Variants in RIT2 observed in about 807,000 individuals in gnomAD.
RIT2 encodes Ras like without CAAX 2, also known as GTP-binding protein Rit2.
Under a neutral mutation model 23.7 loss-of-function variants are expected in RIT2, and 24 were observed. The ratio of observed to expected loss-of-function variants is 1.01; its 90% CI spans 0.73 to 1.43. The LOEUF is 1.43. Ranked by LOEUF, RIT2 falls within the 40% of genes most tolerant of loss-of-function variation. RIT2 has a pLI of 0.00. For synonymous variants in RIT2, 107 were observed against 91.1 expected (o/e 1.17, Z -0.99); for missense variants, 236 against 266.9 (o/e 0.88, Z 0.81).
chr18:42,782,202 A>C (rs1174393668), intron 4 of RIT2, among the ~76,000 whole-genome samples: 1 of 152,144 alleles, frequency 6.6e-6, no homozygotes, highest in Admixed American at 6.5e-5. Context: ...TGGGCTGCTC[A>C]AAAATTGTTC....
chr18:43,000,119 C>T (rs907802086), intron 2 of RIT2, among the ~76,000 whole-genome samples: 1 of 152,002 alleles, frequency 6.6e-6, no homozygotes, highest in Non-Finnish European at 1.5e-5. Flanking sequence ...GAAGTATAAC[C>T]TGAGAGCAGA....
intron 2 of RIT2, among the ~76,000 whole-genome samples, chr18:43,003,380 T>C (rs1911152251): frequency 6.6e-6 from 1 of 151,958 alleles, no homozygotes; most frequent in South Asian, 2.1e-4. Flanking sequence ...TGCATATGTG[T>C]AACTTATTTT....
At chr18:43,026,628 GAAAGAA>G (rs1223796404) in intron 2 of RIT2, among the ~76,000 whole-genome samples, 6,536 of 136,572 alleles carry the variant, frequency 0.048, 247 homozygotes, top group Middle Eastern at 0.07. Flanking sequence ...AAGAAAGAAA[GAAAGAA>G]AGAGAGAAAG....
chr18:42,949,353 C>A (rs989293038), intron 3 of RIT2, among the ~76,000 whole-genome samples: 1 of 151,888 alleles, frequency 6.6e-6, no homozygotes, highest in African/African-American at 2.4e-5. Flanking sequence ...CATATGCATA[C>A]CATAGTAAAT....
intron 1 of RIT2, among the ~76,000 whole-genome samples, chr18:43,087,976 A>T (rs375789968): frequency 6.6e-6 from 1 of 152,184 alleles, no homozygotes; most frequent in African/African-American, 2.4e-5. Flanking sequence ...ATTTTACTTC[A>T]TTAATATTAG....
intron 2 of RIT2, among the ~76,000 whole-genome samples, chr18:42,975,951 C>A (rs1910468948): frequency 6.6e-6 from 1 of 151,970 alleles, no homozygotes; most frequent in Non-Finnish European, 1.5e-5. Flanking sequence ...TTGCTATATC[C>A]CATCAGTTTT....
intron 4 of RIT2, among the ~76,000 whole-genome samples, chr18:42,751,093 G>A (rs117905700): frequency 0.011 from 1,658 of 151,870 alleles, 20 homozygotes; most frequent in Non-Finnish European, 0.016. Context: ...ACATATCTAT[G>A]GAAGCTTTTT....
At chr18:42,774,281 T>C (rs746220329) in intron 4 of RIT2, among the ~76,000 whole-genome samples, 6 of 152,092 alleles carry the variant, frequency 3.9e-5, no homozygotes, top group African/African-American at 4.8e-5. Context: ...CATTGCTTTT[T>C]CCCCCACTCT....
intron 1 of RIT2, among the ~76,000 whole-genome samples, chr18:43,052,809 A>G (rs1912414062): frequency 6.6e-6 from 1 of 152,080 alleles, no homozygotes; most frequent in Non-Finnish European, 1.5e-5. Context: ...AATAATATAC[A>G]TAGGTCTGTG....
intron 4 of RIT2, among the ~76,000 whole-genome samples, chr18:42,879,243 C>T (rs971814688): frequency 6.6e-6 from 1 of 152,086 alleles, no homozygotes; most frequent in Non-Finnish European, 1.5e-5. Context: ...CACTTCTTGC[C>T]TGAATATCAC....
intron 4 of RIT2, among the ~76,000 whole-genome samples, chr18:42,796,292 G>T (rs1286781014): frequency 6.6e-6 from 1 of 152,140 alleles, no homozygotes; most frequent in Non-Finnish European, 1.5e-5. Context: ...GTGAAGGTCT[G>T]TGGCTTCACT....
chr18:42,869,765 C>T (rs1907574207), intron 4 of RIT2, among the ~76,000 whole-genome samples: 1 of 152,188 alleles, frequency 6.6e-6, no homozygotes, highest in Admixed American at 6.5e-5. Context: ...CAGTAAAACT[C>T]ATAATTAACA....
intron 4 of RIT2, among the ~76,000 whole-genome samples, chr18:42,842,991 C>A (rs1165633048): frequency 1.3e-5 from 2 of 152,128 alleles, no homozygotes; most frequent in Admixed American, 1.3e-4. Context: ...AGTAATATTT[C>A]TATTATTATG....
intron 3 of RIT2, among the ~76,000 whole-genome samples, chr18:42,928,093 G>T (rs1909228147): frequency 6.6e-6 from 1 of 151,896 alleles, no homozygotes; most frequent in Non-Finnish European, 1.5e-5. Flanking sequence ...ATACTGATCT[G>T]AATCCCTTTT....
At chr18:43,038,363 T>G (rs1280117316) in intron 1 of RIT2, among the ~76,000 whole-genome samples, 4 of 151,598 alleles carry the variant, frequency 2.6e-5, no homozygotes, top group African/African-American at 9.7e-5. Context: ...AGGATTTGAC[T>G]TTTTATGCTG....
At chr18:43,017,982 A>G (rs193193909) in intron 2 of RIT2, among the ~76,000 whole-genome samples, 34 of 152,212 alleles carry the variant, frequency 2.2e-4, no homozygotes, top group Admixed American at 8.5e-4. Flanking sequence ...CTGCAAGAGT[A>G]AGAAAGTAGA....
chr18:43,095,744 T>C (rs1278100926), intron 1 of RIT2, among the ~76,000 whole-genome samples: 1 of 151,980 alleles, frequency 6.6e-6, no homozygotes, highest in Non-Finnish European at 1.5e-5. Flanking sequence ...GAGCAACAAA[T>C]GCAGATTCTA....
intron 4 of RIT2, among the ~76,000 whole-genome samples, chr18:42,922,577 T>A (rs1027200672): frequency 6.6e-6 from 1 of 152,286 alleles, no homozygotes; most frequent in South Asian, 2.1e-4. Context: ...TGTGATATGA[T>A]TTGCCTGATT....
At chr18:42,885,473 C>A (rs1266757811) in intron 4 of RIT2, among the ~76,000 whole-genome samples, 1 of 152,082 alleles carries the variant, frequency 6.6e-6, no homozygotes, top group African/African-American at 2.4e-5. Context: ...GTAGTCCCAG[C>A]TACTTGGGAG....
Sources: allele counts gnomAD v4.1 joint callset (sites outside exome capture counted in the v4.1 genomes callset), GRCh38; gene constraint gnomAD v4.1.1; transcripts MANE v1.5; gene names NCBI Gene and HGNC (gene_info 2026-07-23, HGNC 2026-07-21).